ATXN1: variants seen among roughly 807,000 people sequenced by gnomAD.
The protein encoded by ATXN1 is ataxin 1.
Under a neutral mutation model 56.4 loss-of-function variants are expected in ATXN1, and 8 were observed. The ratio of observed to expected loss-of-function variants is 0.14; its 90% CI spans 0.08 to 0.26. The LOEUF (loss-of-function observed/expected upper bound fraction) is 0.26, where lower values mean the gene tolerates loss of function less well. Ranked by LOEUF, ATXN1 falls within the 10% of genes least tolerant of loss-of-function variation. The pLI is 1.00. For missense variants in ATXN1, 987 were observed against 1,106.5 expected (o/e 0.89, Z 1.53); for synonymous variants, 514 against 494.6 (o/e 1.04, Z -0.52).
chr6:16,523,292 A>C (rs889428752), intron 4 of ATXN1, among the ~76,000 whole-genome samples: 1 of 152,182 alleles, frequency 6.6e-6, no homozygotes, highest in Admixed American at 6.5e-5. Context: ...CCTGAGGCCC[A>C]GGGGACTGAG....
chr6:16,339,991 C>A (rs1385249816), intron 6 of ATXN1, among the ~76,000 whole-genome samples: 1 of 152,164 alleles, frequency 6.6e-6, no homozygotes, highest in African/African-American at 2.4e-5. Context: ...CCATGTTGGC[C>A]AGGATGGTCT....
intron 3 of ATXN1, chr6:16,615,637 A>G (rs1763193467): frequency 6.6e-6 from 1 of 151,344 alleles, no homozygotes; most frequent in Non-Finnish European, 1.5e-5. Flanking sequence ...TGTGGGAAAG[A>G]GGGTTGAAAA....
chr6:16,490,802 C>T (rs1338623380), intron 5 of ATXN1, among the ~76,000 whole-genome samples: 1 of 152,164 alleles, frequency 6.6e-6, no homozygotes, highest in Non-Finnish European at 1.5e-5. Context: ...AATACAACAA[C>T]CCTCCAGCCA....
At chr6:16,407,482 C>T (rs1758708828) in intron 6 of ATXN1, among the ~76,000 whole-genome samples, 2 of 152,180 alleles carry the variant, frequency 1.3e-5, no homozygotes, top group Non-Finnish European at 2.9e-5. Context: ...ACATGCTCCT[C>T]AAAAGTATCT....
chr6:16,553,950 G>T (rs1330546663), intron 4 of ATXN1, among the ~76,000 whole-genome samples: 2 of 152,226 alleles, frequency 1.3e-5, no homozygotes, highest in East Asian at 1.9e-4. Context: ...GCATTTAGGG[G>T]TGGGAACAGT....
intron 3 of ATXN1, among the ~76,000 whole-genome samples, chr6:16,598,522 T>G (rs112826413): frequency 9.9e-4 from 151 of 152,304 alleles, no homozygotes; most frequent in Middle Eastern, 3.4e-3. Context: ...GTTCATCCGC[T>G]GTAAAAGGAG....
At chr6:16,376,688 C>T (rs529620354) in intron 6 of ATXN1, among the ~76,000 whole-genome samples, 3 of 152,234 alleles carry the variant, frequency 2.0e-5, no homozygotes, top group African/African-American at 4.8e-5. Flanking sequence ...TCAGGAGAAT[C>T]GAGAATACAA....
At chr6:16,480,154 C>CAAAAAAAAAAAAAAAAAA (rs60209783) in intron 6 of ATXN1, among the ~76,000 whole-genome samples, 1 of 79,108 alleles carries the variant, frequency 1.3e-5, no homozygotes, top group Non-Finnish European at 2.5e-5. Flanking sequence ...ACTTCATCTG[C>CAAAAAAAAAAAAAAAAAA]AAAAAAAAAA....
At chr6:16,651,976 G>C (rs1763902833) in intron 3 of ATXN1, 1 of 152,230 alleles carries the variant, frequency 6.6e-6, no homozygotes, top group Non-Finnish European at 1.5e-5. Context: ...CACTAAAGAA[G>C]GGGACCTACC....
At chr6:16,538,449 T>C (rs1008361451) in intron 4 of ATXN1, among the ~76,000 whole-genome samples, 3 of 152,170 alleles carry the variant, frequency 2.0e-5, no homozygotes, top group Non-Finnish European at 2.9e-5. Flanking sequence ...TTTTTAATTA[T>C]ACTTTAAGTT....
intron 4 of ATXN1, among the ~76,000 whole-genome samples, chr6:16,539,227 T>G (rs2113714672): frequency 6.6e-6 from 1 of 152,242 alleles, no homozygotes; most frequent in South Asian, 2.1e-4. Context: ...ATAACAAGGG[T>G]TTTTTTGCAT....
chr6:16,424,330 G>A (rs1221590416), intron 6 of ATXN1, among the ~76,000 whole-genome samples: 3 of 152,296 alleles, frequency 2.0e-5, no homozygotes, highest in African/African-American at 4.8e-5. Context: ...ACAAACATTC[G>A]GTGATTTGGA....
At chr6:16,730,629 G>A (rs1759955112) in intron 2 of ATXN1, among the ~76,000 whole-genome samples, 1 of 151,858 alleles carries the variant, frequency 6.6e-6, no homozygotes, top group African/African-American at 2.4e-5. Context: ...GGAACCATGT[G>A]TACCAAGACT....
intron 7 of ATXN1, among the ~76,000 whole-genome samples, chr6:16,321,470 A>C (rs1760650646): frequency 1.3e-5 from 2 of 152,204 alleles, no homozygotes; most frequent in Admixed American, 1.3e-4. Flanking sequence ...ACGCAGTAAC[A>C]ATGGACAACA....
intron 3 of ATXN1, among the ~76,000 whole-genome samples, chr6:16,603,424 C>G (rs914293566): frequency 6.6e-6 from 1 of 152,128 alleles, no homozygotes; most frequent in African/African-American, 2.4e-5. Flanking sequence ...TAATAAAGTT[C>G]TCATGGGGAG....
intron 6 of ATXN1, among the ~76,000 whole-genome samples, chr6:16,451,917 C>A (rs1581772277): frequency 6.6e-6 from 1 of 152,098 alleles, no homozygotes; most frequent in African/African-American, 2.4e-5. Context: ...GTCTTGCTGT[C>A]TTTGTCTTTC....
At chr6:16,362,072 G>C (rs1761819102) in intron 6 of ATXN1, among the ~76,000 whole-genome samples, 1 of 152,186 alleles carries the variant, frequency 6.6e-6, no homozygotes, top group South Asian at 2.1e-4. Context: ...CAGCCCTGCT[G>C]TGTCTTGTCA....
At chr6:16,714,103 C>T (rs1759583382) in intron 2 of ATXN1, among the ~76,000 whole-genome samples, 1 of 150,472 alleles carries the variant, frequency 6.6e-6, no homozygotes, top group African/African-American at 2.4e-5. Context: ...TGCAGTGAGC[C>T]AAGATCACAC....
chr6:16,314,272 T>C (rs558057320), intron 7 of ATXN1, among the ~76,000 whole-genome samples: 4 of 152,366 alleles, frequency 2.6e-5, no homozygotes, highest in African/African-American at 7.2e-5. Flanking sequence ...CAAGCATTCA[T>C]AGCAAATCTA....
Sources: allele counts gnomAD v4.1 joint callset (sites outside exome capture counted in the v4.1 genomes callset), GRCh38; gene constraint gnomAD v4.1.1; transcripts MANE v1.5; gene names NCBI Gene and HGNC (gene_info 2026-07-23, HGNC 2026-07-21).